The following PHF8 variants were observed in gnomAD, a reference collection of about 807,000 sequenced individuals.
The protein encoded by PHF8 is histone lysine demethylase PHF8.
A neutral mutation model predicts 74.4 loss-of-function variants in PHF8; 9 were observed. The ratio of observed to expected loss-of-function variants is 0.12; its 90% confidence interval spans 0.07 to 0.21. The LOEUF is 0.21. Among genes scored for constraint, PHF8 ranks in the 10% least tolerant of loss-of-function variants. The probability of loss-of-function intolerance (pLI) is 1.00; values close to 1 mark genes in which losing one functional copy is unlikely to be tolerated. For missense variants in PHF8, 478 were observed against 816.6 expected, an observed-to-expected ratio of 0.59 and a Z score of 5.05; for synonymous variants, 311 against 316.6, an observed-to-expected ratio of 0.98 and a Z score of 0.19.
chrX:54,013,030 A>G (rs1184145155), intron 7 of PHF8, among the ~76,000 whole-genome samples: 2 of 110,178 alleles, frequency 1.8e-5, no homozygotes, highest in Non-Finnish European at 3.8e-5. Flanking sequence ...AGGTGGGAGG[A>G]TCCCTTGAGC....
chrX:53,987,483 G>A (rs2065583560), intron 15 of PHF8, among the ~76,000 whole-genome samples: 1 of 111,923 alleles, frequency 8.9e-6, no homozygotes, highest in Admixed American at 9.5e-5. Flanking sequence ...GCTGAGATGG[G>A]CGGATCACCT....
intron 19 of PHF8, among the ~76,000 whole-genome samples, chrX:53,949,534 C>T (rs1376423264): frequency 7.3e-5 from 8 of 109,422 alleles, no homozygotes; most frequent in African/African-American, 2.0e-4. Context: ...AAATGTTGGC[C>T]GGGCGCTGTG....
Position 53,960,265 on chromosome X carries a change from C to T in PHF8, c.2539+2579G>A, listed in dbSNP as rs781995199. Among the ~76,000 whole-genome samples the T allele has an allele frequency of 1.3e-4, 14 of 106,632 alleles. No individual in the cohort carries two copies. In the South Asian group the frequency reaches 4.5e-3, roughly 35 times the overall value. The allele number at this position is 106,632 out of a possible 115,157, so 92.6% of individuals were successfully genotyped here. On this transcript the variant is annotated intron_variant, in intron 19 of 21. Coordinates refer to ENST00000338154, the MANE Select transcript of PHF8 (RefSeq NM_015107.3). ...TAAGTTTTTGTATCTTTAGTAGAGA[C>T]GGGGTTTCACCGTGTTAGCCAGGAT...
chrX:54,011,989 CAGGTGT>C (rs1557106877), intron 7 of PHF8, among the ~76,000 whole-genome samples: 1 of 110,334 alleles, frequency 9.1e-6, no homozygotes, highest in African/African-American at 3.3e-5. Flanking sequence ...CTAGAAATAT[CAGGTGT>C]ACAACCGGAG....
Position 54,042,775 on chromosome X carries a change from T to C in PHF8, c.-47A>G, listed in dbSNP as rs886044852. On this transcript the variant is annotated 5_prime_UTR_variant, in exon 2 of 22. Transcript: ENST00000338154. ...TCTGCGGCCGGCCAGGTTCGTCGTG[T>C]CAAGAGGGGCGGGAGGCGGCAGCAC... The C allele has an allele frequency of 2.5e-6, 3 of 1,186,837 alleles. No individual in the cohort carries two copies. In the Admixed American group the frequency reaches 6.9e-5, roughly 27 times the overall value.
chrX:54,021,470 T>TA (rs1330744042), intron 4 of PHF8, among the ~76,000 whole-genome samples: 9 of 80,316 alleles, frequency 1.1e-4, no homozygotes, highest in South Asian at 6.9e-4. Context: ...TTTTTTTTTT[T>TA]TTTTTTTTTT....
chrX:54,040,588 A>G (rs781935272), intron 2 of PHF8, among the ~76,000 whole-genome samples: 1 of 112,075 alleles, frequency 8.9e-6, no homozygotes, highest in East Asian at 2.8e-4. Flanking sequence ...GGGAGAGGGC[A>G]TTAGTGGGAG....
At chrX:53,975,925 C>T (rs1557095920) in intron 18 of PHF8, among the ~76,000 whole-genome samples, 1 of 111,630 alleles carries the variant, frequency 9.0e-6, no homozygotes, top group Non-Finnish European at 1.9e-5. Context: ...AGCCTAACTT[C>T]ATCATTACAC....
intron 18 of PHF8, among the ~76,000 whole-genome samples, chrX:53,980,252 G>C (rs782504176): frequency 1.3e-4 from 15 of 111,481 alleles, no homozygotes; most frequent in African/African-American, 4.2e-4. Flanking sequence ...TATTCAGAAT[G>C]TAACTATATT....
intron 7 of PHF8, among the ~76,000 whole-genome samples, chrX:54,011,878 A>AAAAG (rs1430317794): frequency 9.1e-6 from 1 of 109,944 alleles, no homozygotes; most frequent in African/African-American, 3.3e-5. Flanking sequence ...AAAAAAAAAA[A>AAAAG]AAAGAAAGAA....
chrX:53,942,728 T>C (rs1009203972), intron 20 of PHF8: 3 of 744,143 alleles, frequency 4.0e-6, no homozygotes. Context: ...TGGTGGTAGG[T>C]AGTATGAAGG....
intron 18 of PHF8, among the ~76,000 whole-genome samples, chrX:53,963,628 G>T (rs1160572257): frequency 8.9e-6 from 1 of 111,992 alleles, no homozygotes; most frequent in African/African-American, 3.2e-5. Flanking sequence ...ACAAACATAT[G>T]AAAAAATACT....
intron 20 of PHF8, chrX:53,943,146 A>G (rs1294736952): frequency 9.4e-6 from 8 of 852,214 alleles, no homozygotes; most frequent in African/African-American, 2.1e-5. Flanking sequence ...TATTTATATA[A>G]AACAGTAGAA....
intron 18 of PHF8, 149 bp from the exon 19 acceptor site, chrX:53,963,088 T>C: frequency 2.0e-6 from 1 of 492,343 alleles, no homozygotes; most frequent in East Asian, 3.7e-5. Context: ...ATGTACCACA[T>C]ACATTTCATG....
chrX:53,978,358 G>C (rs2065421083), intron 18 of PHF8, among the ~76,000 whole-genome samples: 1 of 111,802 alleles, frequency 8.9e-6, no homozygotes, highest in African/African-American at 3.3e-5. Flanking sequence ...ACCTATACCT[G>C]AATGTTCACA....
intron 8 of PHF8, among the ~76,000 whole-genome samples, chrX:54,009,124 G>A (rs1162530419): frequency 9.0e-6 from 1 of 111,670 alleles, no homozygotes; most frequent in Non-Finnish European, 1.9e-5. Context: ...GTTGCAGTAA[G>A]CCGAGATTGT....
intron 4 of PHF8, 126 bp from the exon 5 acceptor site, chrX:54,017,947 C>A (rs994806872): frequency 3.5e-6 from 2 of 567,688 alleles, no homozygotes; most frequent in Non-Finnish European, 2.9e-6. Flanking sequence ...GCAACTAATG[C>A]CAAAAACCTC....
At position 53,938,388 on chromosome X, in the gene PHF8, C is replaced by T. The variant is rs1159195635; in HGVS notation, c.*770G>A. On this transcript the variant is annotated 3_prime_UTR_variant, in exon 22 of 22. Coordinates refer to ENST00000338154, the MANE Select transcript of PHF8 (RefSeq NM_015107.3). Reference sequence around the variant, plus strand: ...AAAATCCAGGCAAATCCCTGGAGCTCACCCTAAAACAAGTGGCCTCATGTG... The same window carrying T: ...AAAATCCAGGCAAATCCCTGGAGCTTACCCTAAAACAAGTGGCCTCATGTG... 2.6e-5 allele frequency: 22 copies of T among 859,821 alleles called. No individual in the cohort carries two copies. Among genetic ancestry groups the T allele is most frequent in the Non-Finnish European group, 2.7e-5 (19 of 706,088 alleles). The allele number at this position is 859,821 out of a possible 1,213,427, so 70.9% of individuals were successfully genotyped here. A position where few individuals can be genotyped will look rare whatever the true frequency, so the allele number is the denominator to read the frequency against.
intron 19 of PHF8, among the ~76,000 whole-genome samples, chrX:53,955,557 C>CTTTTTTTTTTTTTT (rs369969712): frequency 1.4e-5 from 1 of 72,992 alleles, no homozygotes; most frequent in Non-Finnish European, 2.5e-5. Context: ...CTCTTCTTTT[C>CTTTTTTTTTTTTTT]TTTTTTTTTT....
Sources: gnomAD v4.1 joint callset for allele counts (sites outside exome capture counted in the v4.1 genomes callset) on GRCh38, gnomAD v4.1.1 for gene constraint, MANE v1.5 for transcripts, NCBI Gene and HGNC (gene_info 2026-07-23, HGNC 2026-07-21) for gene names.